Variants in L3MBTL4 observed in about 807,000 individuals in gnomAD.
The protein encoded by L3MBTL4 is L3MBTL histone methyl-lysine binding protein 4.
In L3MBTL4, 70 loss-of-function variants were observed where a neutral mutation model predicts 84.5. The observed-to-expected ratio is 0.83, with a 90% CI of 0.68 to 1.01. L3MBTL4 has a LOEUF of 1.01. L3MBTL4 is among the 50% of genes least tolerant of loss of function. The pLI, the probability that L3MBTL4 is intolerant of heterozygous loss-of-function variation, is 0.00. For synonymous variants in L3MBTL4, 274 were observed against 259.8 expected (o/e 1.05, Z -0.52); for missense variants, 715 against 754.8 (o/e 0.95, Z 0.62).
intron 1 of L3MBTL4, among the ~76,000 whole-genome samples, chr18:6,385,706 T>G (rs975141004): frequency 2.6e-5 from 4 of 152,318 alleles, no homozygotes; most frequent in Middle Eastern, 6.8e-3. Flanking sequence ...TTCTTTATCC[T>G]CTTGAAGGCA....
intron 5 of L3MBTL4, among the ~76,000 whole-genome samples, chr18:6,249,880 C>A (rs1196751248): frequency 6.6e-6 from 1 of 152,002 alleles, no homozygotes; most frequent in Non-Finnish European, 1.5e-5. Context: ...CGACTCGAGC[C>A]CAGAAGGGTG....
intron 16 of L3MBTL4, among the ~76,000 whole-genome samples, chr18:6,016,104 G>A (rs1330659757): frequency 1.3e-5 from 2 of 152,198 alleles, no homozygotes; most frequent in Non-Finnish European, 2.9e-5. Flanking sequence ...ACAGAGCAAG[G>A]GAAATACTCC....
chr18:6,116,914 C>A (rs1254329744), intron 14 of L3MBTL4, among the ~76,000 whole-genome samples: 4 of 152,220 alleles, frequency 2.6e-5, no homozygotes. Flanking sequence ...TCTTTGCTTT[C>A]ATTCGTACTG....
intron 6 of L3MBTL4, among the ~76,000 whole-genome samples, chr18:6,244,259 T>G (rs1455098113): frequency 6.6e-6 from 1 of 152,178 alleles, no homozygotes; most frequent in Non-Finnish European, 1.5e-5. Flanking sequence ...ATTTACCAAT[T>G]AAGTCAAGAA....
At chr18:6,379,424 GC>G (rs1393279357) in intron 1 of L3MBTL4, among the ~76,000 whole-genome samples, 29 of 152,226 alleles carry the variant, frequency 1.9e-4, no homozygotes, top group African/African-American at 6.3e-4. Flanking sequence ...TCCAGTTTTT[GC>G]CCATTCAGTA....
chr18:6,404,698 T>G (rs1357875167), intron 1 of L3MBTL4, among the ~76,000 whole-genome samples: 3 of 152,114 alleles, frequency 2.0e-5, no homozygotes, highest in Admixed American at 2.0e-4. Context: ...ATTTTTGTTT[T>G]TCATTTGAGA....
intron 1 of L3MBTL4, chr18:6,367,725 C>T (rs1218494648): frequency 6.6e-6 from 1 of 152,348 alleles, no homozygotes; most frequent in African/African-American, 2.4e-5. Context: ...GTCAGAATGC[C>T]ACCCACTTCC....
intron 16 of L3MBTL4, among the ~76,000 whole-genome samples, chr18:6,054,539 C>T (rs1033766358): frequency 3.9e-5 from 6 of 152,204 alleles, no homozygotes; most frequent in African/African-American, 1.4e-4. Flanking sequence ...TCTGCCCTCG[C>T]CCCCGCCCCT....
At chr18:6,367,728 C>A (rs981518757) in intron 1 of L3MBTL4, 2 of 152,320 alleles carry the variant, frequency 1.3e-5, no homozygotes, top group Admixed American at 6.5e-5. Flanking sequence ...AGAATGCCAC[C>A]CACTTCCAGA....
chr18:6,047,150 G>A (rs551005085), intron 16 of L3MBTL4, among the ~76,000 whole-genome samples: 13 of 152,082 alleles, frequency 8.5e-5, no homozygotes, highest in Non-Finnish European at 1.3e-4. Context: ...AAATCTAGAG[G>A]AAACTGATGT....
At chr18:6,330,546 A>T (rs1041034422) in intron 1 of L3MBTL4, among the ~76,000 whole-genome samples, 16 of 152,226 alleles carry the variant, frequency 1.1e-4, no homozygotes, top group Non-Finnish European at 1.8e-4. Context: ...CTATGCAATT[A>T]CATGGGTCCG....
At chr18:6,089,385 T>C (rs2058365264) in intron 15 of L3MBTL4, among the ~76,000 whole-genome samples, 1 of 152,202 alleles carries the variant, frequency 6.6e-6, no homozygotes, top group Admixed American at 6.5e-5. Context: ...CTATTATTAT[T>C]ATTAAACTTT....
chr18:6,255,566 C>T (rs1056254131), intron 5 of L3MBTL4, among the ~76,000 whole-genome samples: 1 of 152,182 alleles, frequency 6.6e-6, no homozygotes, highest in African/African-American at 2.4e-5. Flanking sequence ...AATTAATCAT[C>T]TTAAATGACT....
intron 14 of L3MBTL4, among the ~76,000 whole-genome samples, chr18:6,111,525 G>A (rs1302547190): frequency 2.0e-5 from 3 of 152,092 alleles, no homozygotes. Flanking sequence ...CATGGCACAT[G>A]GCCTTTCCTT....
At position 6,041,503 on chromosome 18, in the gene L3MBTL4, C is replaced by T. The variant is rs563085069; in HGVS notation, c.1444+39378G>A. On this transcript the variant is annotated intron_variant, in intron 16 of 18. Coordinates refer to ENST00000317931, the MANE Select transcript of L3MBTL4 (RefSeq NM_001330559.2). Reference sequence around the variant, plus strand: ...TTTGTCTTGCAAATGCTCCACATCCCCTTATTTCTCTGTCTTTTCTTTGTG... The same window carrying T: ...TTTGTCTTGCAAATGCTCCACATCCTCTTATTTCTCTGTCTTTTCTTTGTG... Among the ~76,000 whole-genome samples, 278 of 150,748 alleles carry T rather than the reference C, an allele frequency of 1.8e-3. 2 individuals carry two copies. Among genetic ancestry groups the T allele is most frequent in the African/African-American group, 6.4e-3 (264 of 40,936 alleles).
chr18:6,357,498 T>G (rs1184431898), intron 1 of L3MBTL4, among the ~76,000 whole-genome samples: 1 of 152,158 alleles, frequency 6.6e-6, no homozygotes, highest in East Asian at 1.9e-4. Flanking sequence ...CTATTCTAAT[T>G]CTATGTAGTA....
At chr18:5,984,895 A>C (rs1331050224) in intron 16 of L3MBTL4, among the ~76,000 whole-genome samples, 3 of 151,930 alleles carry the variant, frequency 2.0e-5, no homozygotes, top group African/African-American at 7.2e-5. Flanking sequence ...ATCATTGGTC[A>C]ATTCTTGGTA....
At chr18:5,976,054 G>A (rs541483373) in intron 16 of L3MBTL4, among the ~76,000 whole-genome samples, 32 of 152,334 alleles carry the variant, frequency 2.1e-4, no homozygotes, top group African/African-American at 7.7e-4. Context: ...GGGCTATCGA[G>A]AGGGTTAGAA....
At chr18:6,349,457 G>A (rs1239609514) in intron 1 of L3MBTL4, among the ~76,000 whole-genome samples, 4 of 152,134 alleles carry the variant, frequency 2.6e-5, no homozygotes, top group Admixed American at 6.5e-5. Flanking sequence ...GGCTTGGTGC[G>A]GTGACTCATG....
Sources: allele counts gnomAD v4.1 joint callset (sites outside exome capture counted in the v4.1 genomes callset), GRCh38; gene constraint gnomAD v4.1.1; transcripts MANE v1.5; gene names NCBI Gene and HGNC (gene_info 2026-07-23, HGNC 2026-07-21).